The following AK4 variants were observed in gnomAD, a reference collection of about 807,000 sequenced individuals.
AK4 encodes adenylate kinase 4, mitochondrial.
Under a neutral mutation model 24.6 loss-of-function variants are expected in AK4, and 13 were observed. The ratio of observed to expected loss-of-function variants is 0.53; its 90% confidence interval spans 0.34 to 0.84. The LOEUF (loss-of-function observed/expected upper bound fraction) is 0.84. Ranked by LOEUF, AK4 falls within the 40% of genes least tolerant of loss-of-function variation. The probability of loss-of-function intolerance (pLI) is 0.01; values close to 1 mark genes in which losing one functional copy is unlikely to be tolerated. For missense variants in AK4, 192 were observed against 288.2 expected (o/e 0.67, Z 2.42); for synonymous variants, 88 against 107.0 (o/e 0.82, Z 1.10).
chr1:65,185,397 A>C (rs1252825711), intron 1 of AK4, among the ~76,000 whole-genome samples: 1 of 152,112 alleles, frequency 6.6e-6, no homozygotes, highest in Non-Finnish European at 1.5e-5. Flanking sequence ...CTCAAAGTTC[A>C]CGCTCCATAT....
chr1:65,198,057 T>C (rs1651537756), intron 2 of AK4, among the ~76,000 whole-genome samples: 1 of 152,204 alleles, frequency 6.6e-6, no homozygotes, highest in African/African-American at 2.4e-5. Context: ...TCTTCCTGTG[T>C]GTATGTGTTT....
intron 1 of AK4, among the ~76,000 whole-genome samples, chr1:65,180,231 T>C (rs1057427752): frequency 6.6e-6 from 1 of 152,136 alleles, no homozygotes; most frequent in Non-Finnish European, 1.5e-5. Flanking sequence ...GAGGATCACT[T>C]GAGGTCAGAA....
chr1:65,152,384 A>ATTT lies in AK4; in HGVS notation c.145+3866_145+3868dup, dbSNP rs552572978. Among the ~76,000 whole-genome samples, 5 of 16,464 alleles carry ATTT rather than the reference A, an allele frequency of 3.0e-4. 2 individuals carry two copies. The highest frequency in any genetic ancestry group is 6.2e-4 in the Non-Finnish European group (5 of 8,004). 10.8% of individuals were successfully genotyped at this position (16,464 alleles called of 152,430 possible). A position where few individuals can be genotyped will look rare whatever the true frequency, so the allele number is the denominator to read the frequency against. ...TCTATATATATATATATATATATAT[A>ATTT]TTTTTTTTTTTTTTTTTTTTTTTTT... On this transcript the variant is annotated intron_variant, in intron 1 of 4. Transcript: ENST00000327299.
At position 65,227,426 on chromosome 1, in the gene AK4, A is replaced by G. The variant is rs913537848; in HGVS notation, c.*1249A>G. 2.0e-5 allele frequency: 3 copies of G among 152,470 alleles called. No individual in the cohort carries two copies. The highest frequency in any genetic ancestry group is 2.1e-4 in the South Asian group (1 of 4,816). The allele number at this position is 152,470 out of a possible 1,614,324, so 9.4% of individuals were successfully genotyped here. A position where few individuals can be genotyped will look rare whatever the true frequency, so the allele number is the denominator to read the frequency against. On this transcript the variant is annotated 3_prime_UTR_variant, in exon 5 of 5. Transcript: ENST00000327299. The stretch of plus-strand genomic sequence containing the variant: ...CAAAGATTCATCCTATGGGGTGGCC[A>G]TAAAGTCTAGAATTAGATACTAATA...
rs1351768441 is a variant in AK4, at chr1:65,224,606, ACTC to A, written c.439-145_439-143del. On this transcript the variant is annotated intron_variant, in intron 3 of 4. Transcript: ENST00000327299. ...TAAGTGTGCTATTTCTTTTTCTACT[ACTC>A]TTAAAATTACCACTGTCACCAAGGC... 4.6e-5 allele frequency: 30 copies of A among 647,070 alleles called. No homozygotes were observed. The African/African-American group carries it at 4.9e-4, about 11-fold the overall frequency. The allele number at this position is 647,070 out of a possible 1,614,324, so 40.1% of individuals were successfully genotyped here. A position where few individuals can be genotyped will look rare whatever the true frequency, so the allele number is the denominator to read the frequency against.
rs1473602911 is a variant in AK4, at chr1:65,229,962, G to A, written c.*3785G>A. ...TCCTAAAATGCTGGTAGGTAAACAAGCAATGATGAAGCATTGAACACAGGT... is the reference window on the plus strand; with the variant it reads ...TCCTAAAATGCTGGTAGGTAAACAAACAATGATGAAGCATTGAACACAGGT... On this transcript the variant is annotated 3_prime_UTR_variant, in exon 5 of 5. Transcript: ENST00000327299. 1 of 152,276 alleles carries A rather than the reference G, an allele frequency of 6.6e-6. No homozygotes were observed. Among genetic ancestry groups the A allele is most frequent in the Non-Finnish European group, 1.5e-5 (1 of 68,088 alleles). 9.4% of individuals were successfully genotyped at this position (152,276 alleles called of 1,614,324 possible). A position where few individuals can be genotyped will look rare whatever the true frequency, so the allele number is the denominator to read the frequency against.
chr1:65,205,492 C>T (rs1305181722), intron 2 of AK4, among the ~76,000 whole-genome samples: 3 of 152,190 alleles, frequency 2.0e-5, no homozygotes, highest in Non-Finnish European at 4.4e-5. Context: ...CCTCAGCTCT[C>T]CAAAGTACTT....
chr1:65,188,740 A>G (rs1651188547), intron 1 of AK4, among the ~76,000 whole-genome samples: 1 of 150,058 alleles, frequency 6.7e-6, no homozygotes, highest in African/African-American at 2.5e-5. Flanking sequence ...AGCCTCCCAA[A>G]GTGCTGGGAT....
At chr1:65,202,450 T>G (rs1304552447) in intron 2 of AK4, among the ~76,000 whole-genome samples, 4 of 152,066 alleles carry the variant, frequency 2.6e-5, no homozygotes, top group Non-Finnish European at 4.4e-5. Flanking sequence ...CTTTTAAATT[T>G]AGATCTACAT....
chr1:65,164,786 C>T (rs572576548), intron 1 of AK4, among the ~76,000 whole-genome samples: 2 of 152,094 alleles, frequency 1.3e-5, no homozygotes, highest in South Asian at 4.1e-4. Flanking sequence ...GTTGCTTATG[C>T]TTTTGGTGTC....
chr1:65,223,811 G>A (rs1292556315), intron 3 of AK4, among the ~76,000 whole-genome samples: 3 of 151,936 alleles, frequency 2.0e-5, no homozygotes, highest in East Asian at 2.0e-4. Context: ...CCTGACCAAC[G>A]TGGTGAACCA....
intron 1 of AK4, among the ~76,000 whole-genome samples, chr1:65,169,193 GA>G (rs1032673177): frequency 1.4e-5 from 2 of 143,732 alleles, no homozygotes; most frequent in African/African-American, 5.2e-5. Context: ...AAAAAAAAAA[GA>G]AAAAGAAAAG....
At chr1:65,193,473 G>A (rs1651370992) in intron 2 of AK4, among the ~76,000 whole-genome samples, 2 of 152,184 alleles carry the variant, frequency 1.3e-5, no homozygotes, top group Admixed American at 6.5e-5. Flanking sequence ...TTAGCAATAG[G>A]TTGTTTGACC....
chr1:65,177,666 A>G (rs57716204), intron 1 of AK4, among the ~76,000 whole-genome samples: 3,477 of 152,308 alleles, frequency 0.023, 42 homozygotes, highest in Middle Eastern at 0.048. Flanking sequence ...GTGTTTAAGA[A>G]TGTCAGATAG....
intron 3 of AK4, among the ~76,000 whole-genome samples, chr1:65,219,907 G>T (rs1292531930): frequency 6.6e-6 from 1 of 152,024 alleles, no homozygotes; most frequent in Non-Finnish European, 1.5e-5. Context: ...ATTCCTCCCT[G>T]ATTTTCGCCA....
chr1:65,178,473 A>C (rs1650791197), intron 1 of AK4, among the ~76,000 whole-genome samples: 2 of 152,208 alleles, frequency 1.3e-5, no homozygotes, highest in Admixed American at 1.3e-4. Context: ...GGGGGCCCAC[A>C]GGGCTGCCTC....
intron 2 of AK4, among the ~76,000 whole-genome samples, chr1:65,195,626 T>G (rs1355843754): frequency 6.6e-6 from 1 of 152,198 alleles, no homozygotes; most frequent in Non-Finnish European, 1.5e-5. Flanking sequence ...TCTGCCACTT[T>G]CTGGCAGCCT....
At position 65,230,410 on chromosome 1, in the gene AK4, G is replaced by A. The variant is rs1278391170; in HGVS notation, c.*4233G>A. The A allele has an allele frequency of 2.0e-5, 3 of 152,160 alleles. No homozygotes were observed. Among genetic ancestry groups the A allele is most frequent in the Non-Finnish European group, 4.4e-5 (3 of 68,048 alleles). 9.4% of individuals were successfully genotyped at this position (152,160 alleles called of 1,614,324 possible). ...GTTCAGTATTTGACATTAGCTTTTTGTCCAAAGAGTTGAAGCCTGCTGGAG... is the reference window on the plus strand; with the variant it reads ...GTTCAGTATTTGACATTAGCTTTTTATCCAAAGAGTTGAAGCCTGCTGGAG... On this transcript the variant is annotated 3_prime_UTR_variant, in exon 5 of 5. Coordinates refer to ENST00000327299, the MANE Select transcript of AK4 (RefSeq NM_013410.4).
chr1:65,176,671 C>A (rs557818824), intron 1 of AK4, among the ~76,000 whole-genome samples: 7 of 152,136 alleles, frequency 4.6e-5, no homozygotes, highest in Non-Finnish European at 8.8e-5. Context: ...TGAAGTGCCA[C>A]CACAGAGATA....
Sources: gnomAD v4.1 joint callset for allele counts (sites outside exome capture counted in the v4.1 genomes callset) on GRCh38, gnomAD v4.1.1 for gene constraint, MANE v1.5 for transcripts, NCBI Gene and HGNC (gene_info 2026-07-23, HGNC 2026-07-21) for gene names.